Variants in SEMA3E observed in about 807,000 individuals in gnomAD.
SEMA3E encodes semaphorin-3E.
SEMA3E carries 49 observed loss-of-function variants against 93.6 expected under a neutral mutation model. The observed-to-expected ratio is 0.52, with a 90% confidence interval of 0.42 to 0.66. The LOEUF is 0.66. Ranked by LOEUF, SEMA3E falls within the 30% of genes least tolerant of loss-of-function variation. The pLI is 0.00. For synonymous variants in SEMA3E, 363 were observed against 330.7 expected (o/e 1.10, Z -1.06); for missense variants, 906 against 964.8 (o/e 0.94, Z 0.81).
chr7:83,412,313 T>C lies in SEMA3E; in HGVS notation c.551-3826A>G, dbSNP rs112185103. On this transcript the variant is annotated intron_variant, in intron 5 of 16. Coordinates refer to ENST00000643230, the MANE Select transcript of SEMA3E (RefSeq NM_012431.3). ...TTATTGACTCCTTGTGTGTTTGAAA[T>C]GATGCCTCATTAATGTCTGAAATAC... is the stretch of plus-strand genomic sequence containing the variant. 6.1e-3 allele frequency among the ~76,000 whole-genome samples: 931 copies of C among 152,262 alleles called. 15 individuals are homozygous for C. The highest frequency in any genetic ancestry group is 0.021 in the African/African-American group (888 of 41,546).
intron 16 of SEMA3E, among the ~76,000 whole-genome samples, chr7:83,369,831 T>G (rs373664980): frequency 1.5e-3 from 231 of 152,326 alleles, no homozygotes; most frequent in African/African-American, 5.0e-3. Flanking sequence ...ACAAACTTAT[T>G]TTCCAGCACT....
rs1410900858 is a variant in SEMA3E, at chr7:83,396,739, A to G, written c.1367-10T>C. On this transcript the variant is annotated splice_polypyrimidine_tract_variant and intron_variant, in intron 11 of 16. Coordinates refer to ENST00000643230, the MANE Select transcript of SEMA3E (RefSeq NM_012431.3). ...AGCACAATTCCATTATCTGTAAGAA[A>G]ACAAAACAAGAAATAAACTAGAATC... is the stretch of plus-strand genomic sequence containing the variant. 1 of 1,563,330 alleles carries G rather than the reference A, an allele frequency of 6.4e-7. No individual in the cohort carries two copies. The highest frequency in any genetic ancestry group is 8.8e-7 in the Non-Finnish European group (1 of 1,137,870).
At chr7:83,588,207 C>A (rs1792671958) in intron 1 of SEMA3E, among the ~76,000 whole-genome samples, 2 of 151,972 alleles carry the variant, frequency 1.3e-5, no homozygotes, top group African/African-American at 2.4e-5. Flanking sequence ...CATGGTGAAA[C>A]CCTGTCTGCA....
intron 2 of SEMA3E, among the ~76,000 whole-genome samples, chr7:83,473,416 T>C (rs1394415750): frequency 6.6e-6 from 1 of 152,210 alleles, no homozygotes; most frequent in East Asian, 1.9e-4. Context: ...GTCTCTATTA[T>C]CTTCTGCCTC....
At chr7:83,394,269 CCT>C (rs1186701377) in intron 13 of SEMA3E, 26 bp downstream of exon 13, 2 of 1,470,324 alleles carry the variant, frequency 1.4e-6, no homozygotes, top group Non-Finnish European at 1.8e-6. Context: ...AACACACACA[CCT>C]ACACACACAC....
At chr7:83,479,470 T>TA (rs1244471267) in intron 2 of SEMA3E, among the ~76,000 whole-genome samples, 4 of 152,212 alleles carry the variant, frequency 2.6e-5, no homozygotes, top group African/African-American at 9.7e-5. Context: ...TTCTAGAACT[T>TA]AGTTAAGTAA....
chr7:83,619,165 T>G (rs567033299), intron 1 of SEMA3E, among the ~76,000 whole-genome samples: 2 of 151,872 alleles, frequency 1.3e-5, no homozygotes, highest in East Asian at 3.8e-4. Context: ...TTGTTCTTAT[T>G]ATGTATTAAA....
intron 14 of SEMA3E, among the ~76,000 whole-genome samples, chr7:83,387,932 A>G (rs1046911578): frequency 2.0e-5 from 3 of 146,850 alleles, no homozygotes; most frequent in South Asian, 4.2e-4. Flanking sequence ...TGTAATATAC[A>G]TATGTTTCGA....
chr7:83,560,486 A>G (rs985014301), intron 1 of SEMA3E, among the ~76,000 whole-genome samples: 9 of 152,060 alleles, frequency 5.9e-5, no homozygotes, highest in African/African-American at 2.2e-4. Flanking sequence ...TTATCCATAG[A>G]AATTCAGAGA....
At position 83,391,386 on chromosome 7, in the gene SEMA3E, C is replaced by G. The variant is rs527627131; in HGVS notation, c.1667+1169G>C. The stretch of plus-strand genomic sequence containing the variant: ...AGGTTATGCTTGTTTCTTCATATCC[C>G]TGGCACATAGTACAGTAATTGGCTT... On this transcript the variant is annotated intron_variant, in intron 14 of 16. Transcript: ENST00000643230. Among the ~76,000 whole-genome samples, 195 of 152,174 alleles carry G rather than the reference C, an allele frequency of 1.3e-3. 2 individuals are homozygous for G. The highest frequency in any genetic ancestry group is 4.6e-3 in the African/African-American group (190 of 41,548).
At chr7:83,580,208 C>A (rs1277993879) in intron 1 of SEMA3E, among the ~76,000 whole-genome samples, 1 of 151,990 alleles carries the variant, frequency 6.6e-6, no homozygotes, top group African/African-American at 2.4e-5. Flanking sequence ...AAAGAATATT[C>A]TAATGTTTCT....
At chr7:83,631,116 A>G (rs1793777053) in intron 1 of SEMA3E, among the ~76,000 whole-genome samples, 1 of 152,138 alleles carries the variant, frequency 6.6e-6, no homozygotes, top group Non-Finnish European at 1.5e-5. Context: ...TGACCATTCC[A>G]GATTCTTTTT....
intron 1 of SEMA3E, among the ~76,000 whole-genome samples, chr7:83,551,044 T>C (rs1178618869): frequency 6.6e-6 from 1 of 152,102 alleles, no homozygotes; most frequent in African/African-American, 2.4e-5. Context: ...TTGGTAAACA[T>C]GTGGATGAAG....
At chr7:83,520,006 A>G (rs1791011263) in intron 1 of SEMA3E, among the ~76,000 whole-genome samples, 1 of 152,156 alleles carries the variant, frequency 6.6e-6, no homozygotes, top group Admixed American at 6.6e-5. Flanking sequence ...TGCCCTATAA[A>G]TATATGAACA....
In SEMA3E at chr7:83,460,438, G is replaced by A. The variant is rs186942384; in HGVS notation, c.456+6044C>T. The stretch of plus-strand genomic sequence containing the variant: ...AAAACTCCGGCACGGGTCATGGACT[G>A]GGAAGGCAGCCTTCCCTTGGTGTTT... On this transcript the variant is annotated intron_variant, in intron 4 of 16. Coordinates refer to ENST00000643230, the MANE Select transcript of SEMA3E (RefSeq NM_012431.3). Among the ~76,000 whole-genome samples, 3 of 150,812 alleles carry A rather than the reference G, an allele frequency of 2.0e-5. No individual in the cohort carries two copies. The East Asian group carries it at 6.5e-4, about 33-fold the overall frequency.
At chr7:83,382,074 T>C (rs1156761182) in intron 16 of SEMA3E, among the ~76,000 whole-genome samples, 1 of 151,984 alleles carries the variant, frequency 6.6e-6, no homozygotes, top group Non-Finnish European at 1.5e-5. Context: ...AGAAATTGAA[T>C]CCCAGAACTT....
In SEMA3E at chr7:83,430,103, G is replaced by A. The variant is rs188481936; in HGVS notation, c.457-11620C>T. Reference sequence around the variant, plus strand: ...CAATATTGAATATAGGAAGTATGATGCATGCTAGTCTTTTTTAAACCCCAT... The same window carrying A: ...CAATATTGAATATAGGAAGTATGATACATGCTAGTCTTTTTTAAACCCCAT... On this transcript the variant is annotated intron_variant, in intron 4 of 16. Coordinates refer to ENST00000643230, the MANE Select transcript of SEMA3E (RefSeq NM_012431.3). 2.0e-5 allele frequency among the ~76,000 whole-genome samples: 3 copies of A among 152,264 alleles called. No homozygotes were observed. The East Asian group carries it at 5.8e-4, about 29-fold the overall frequency.
At chr7:83,404,033 T>C (rs1038531652) in intron 9 of SEMA3E, among the ~76,000 whole-genome samples, 2 of 151,948 alleles carry the variant, frequency 1.3e-5, no homozygotes, top group Admixed American at 6.6e-5. Context: ...TATTAACCCA[T>C]AGAAAAACTA....
In SEMA3E at chr7:83,400,247, C is replaced by A. The variant is rs373711827; in HGVS notation, c.1147G>T (p.Ala383Ser). Residue 383 changes from alanine (A) to serine (S), a missense_variant, in exon 11 of 17, where the codon GCC (alanine) becomes TCC (serine). By Grantham distance (99) the Ala-to-Ser change is moderately conservative (BLOSUM62 1). Transcript: ENST00000643230. ...TATCTCCCTCCATTTACTTTGCTGG[C>A]ACACTGAAAAACAAGTGGATCAGAT... ...KVPYPRPGSCASKVNGGRYGT... is the reference protein window; with the variant it reads ...KVPYPRPGSCSSKVNGGRYGT... The A allele has an allele frequency of 4.3e-6, 7 of 1,613,664 alleles. No individual in the cohort carries two copies. In the African/African-American group the frequency reaches 9.3e-5, roughly 22 times the overall value.
Sources: allele counts gnomAD v4.1 joint callset (sites outside exome capture counted in the v4.1 genomes callset), GRCh38; gene constraint gnomAD v4.1.1; transcripts MANE v1.5; gene names NCBI Gene and HGNC (gene_info 2026-07-23, HGNC 2026-07-21).